LAMA3: variants seen among roughly 807,000 people sequenced by gnomAD.
LAMA3 encodes laminin subunit alpha 3.
In LAMA3, 281 loss-of-function variants were observed where a neutral mutation model predicts 402.0. That is an observed-to-expected ratio of 0.70 (90% confidence interval 0.63 to 0.77). LAMA3 has a LOEUF of 0.77. Among genes scored for constraint, LAMA3 ranks in the 30% least tolerant of loss-of-function variants. The probability of loss-of-function intolerance (pLI) is 0.00; values close to 1 mark genes in which losing one functional copy is unlikely to be tolerated. For missense variants in LAMA3, 3,840 were observed against 4,215.5 expected (o/e 0.91, Z 2.47); for synonymous variants, 1,431 against 1,558.4 (o/e 0.92, Z 1.93).
chr18:23,785,155 G>A (rs145905985), intron 12 of LAMA3, among the ~76,000 whole-genome samples: 271 of 152,334 alleles, frequency 1.8e-3, no homozygotes, highest in African/African-American at 6.0e-3. Flanking sequence ...TAAATGCTCA[G>A]CCAGCTACAG....
chr18:23,743,769 C>T (rs923789680), intron 2 of LAMA3, among the ~76,000 whole-genome samples: 1 of 152,224 alleles, frequency 6.6e-6, no homozygotes, highest in African/African-American at 2.4e-5. Context: ...TAGCTTATTA[C>T]AAAAGCACGT....
At chr18:23,824,156 AT>A (rs1383429701) in intron 20 of LAMA3, among the ~76,000 whole-genome samples, 7 of 152,264 alleles carry the variant, frequency 4.6e-5, no homozygotes, top group African/African-American at 1.7e-4. Flanking sequence ...GTTTACAAGT[AT>A]TAATATACTT....
chr18:23,694,357 C>A (rs558397050), intron 1 of LAMA3, among the ~76,000 whole-genome samples: 2 of 152,222 alleles, frequency 1.3e-5, no homozygotes, highest in East Asian at 1.9e-4. Context: ...ATATAGGGGG[C>A]AGAATGGTGA....
intron 36 of LAMA3, among the ~76,000 whole-genome samples, chr18:23,866,598 GT>G (rs949678395): frequency 3.3e-5 from 5 of 152,128 alleles, no homozygotes; most frequent in Admixed American, 6.5e-5. Context: ...TCAGTTTCAT[GT>G]TTTTGCAGAG....
intron 62 of LAMA3, among the ~76,000 whole-genome samples, chr18:23,923,861 A>G (rs2081923977): frequency 6.6e-6 from 1 of 152,216 alleles, no homozygotes; most frequent in Admixed American, 6.5e-5. Flanking sequence ...CAGGTTTTCT[A>G]GAAAAGAGCA....
In LAMA3 at chr18:23,921,542, A is replaced by C. The variant is rs780744244; in HGVS notation, c.8134A>C (p.Ser2712Arg). Reference sequence around the variant, plus strand: ...AATTGATGGTGAAGTATTTGATTTCAGCACATATTATCTGGGAGGAATTCC... The same window carrying C: ...AATTGATGGTGAAGTATTTGATTTCCGCACATATTATCTGGGAGGAATTCC... ...TIIDGEVFDF[S>R]TYYLGGIPIA... The change falls in exon 62 of 75, where the codon AGC (serine) becomes CGC (arginine). Residue 2712 changes from serine (S) to arginine (R), a missense_variant. Ser to Arg is a moderately radical substitution (Grantham distance 110). Coordinates refer to ENST00000313654, the MANE Select transcript of LAMA3 (RefSeq NM_198129.4). 18 of 1,613,816 alleles carry C rather than the reference A, an allele frequency of 1.1e-5. 1 individual carries two copies. In the South Asian group the frequency reaches 2.0e-4, roughly 18 times the overall value.
intron 18 of LAMA3, 125 bp from the exon 19 acceptor site, chr18:23,819,716 G>C: frequency 3.6e-6 from 3 of 843,034 alleles, no homozygotes; most frequent in Non-Finnish European, 6.0e-6. Flanking sequence ...TTTCTCATTT[G>C]TCCTTTATTT....
intron 2 of LAMA3, among the ~76,000 whole-genome samples, chr18:23,734,533 G>A (rs546304837): frequency 4.6e-5 from 7 of 152,298 alleles, no homozygotes; most frequent in Non-Finnish European, 8.8e-5. Context: ...CCACTCTAAC[G>A]GAGTGTGCCT....
Position 23,776,623 on chromosome 18 carries a change from G to A in LAMA3, c.1405+700G>A, listed in dbSNP as rs191646852. Among the ~76,000 whole-genome samples, 241 of 152,228 alleles carry A rather than the reference G, an allele frequency of 1.6e-3. 1 individual carries two copies. Among genetic ancestry groups the A allele is most frequent in the African/African-American group, 5.6e-3 (232 of 41,530 alleles). ...GCCCCACCCTCCTGACTCCTGCAGAGCCATCATAGGAAAAGCATATTGAGT... is the reference window on the plus strand; with the variant it reads ...GCCCCACCCTCCTGACTCCTGCAGAACCATCATAGGAAAAGCATATTGAGT... On this transcript the variant is annotated intron_variant, in intron 10 of 74. Transcript: ENST00000313654.
At position 23,894,890 on chromosome 18, in the gene LAMA3, G is replaced by A; in HGVS notation, c.5462-17G>A. The A allele has an allele frequency of 5.0e-6, 8 of 1,614,118 alleles. No individual in the cohort carries two copies. Among genetic ancestry groups the A allele is most frequent in the Non-Finnish European group, 5.9e-6 (7 of 1,180,020 alleles). ...CTCCCCCCACAGCACATTTGCCTTT[G>A]ATTGTGGCCCCTACAGATTGCGACA... is the stretch of plus-strand genomic sequence containing the variant. On this transcript the variant is annotated splice_polypyrimidine_tract_variant and intron_variant, in intron 43 of 74. Coordinates refer to ENST00000313654, the MANE Select transcript of LAMA3 (RefSeq NM_198129.4).
chr18:23,832,523 C>T (rs2063507300), intron 23 of LAMA3, among the ~76,000 whole-genome samples: 1 of 152,176 alleles, frequency 6.6e-6, no homozygotes, highest in African/African-American at 2.4e-5. Context: ...TGGGCCTGAG[C>T]TTGCAGGCGG....
chr18:23,822,477 C>A, intron 20 of LAMA3, 102 bp downstream of exon 20: 1 of 1,287,218 alleles, frequency 7.8e-7, no homozygotes, highest in Non-Finnish European at 1.1e-6. Flanking sequence ...TAGAAAATGT[C>A]AAGCCTGGCT....
rs1053480426 is a variant in LAMA3 at position 23,818,748 on chromosome 18, T to C, written c.2148-1093T>C. On this transcript the variant is annotated intron_variant, in intron 18 of 74. Transcript: ENST00000313654. ...TGGTGTATTTTTTCTAGACCTTGTC[T>C]ATGAATTAAAAATTAGCATTCTATT... is the stretch of plus-strand genomic sequence containing the variant. Among the ~76,000 whole-genome samples the C allele has an allele frequency of 5.9e-5, 9 of 152,342 alleles. No individual in the cohort carries two copies. In the South Asian group the frequency reaches 1.7e-3, roughly 28 times the overall value.
chr18:23,848,824 G>A (rs1415415163), intron 32 of LAMA3, among the ~76,000 whole-genome samples: 9 of 152,180 alleles, frequency 5.9e-5, no homozygotes, highest in African/African-American at 1.7e-4. Flanking sequence ...GGTTTCTTCC[G>A]GAGGGTCTGC....
intron 62 of LAMA3, among the ~76,000 whole-genome samples, chr18:23,924,557 T>G (rs1289029393): frequency 1.3e-5 from 2 of 149,414 alleles, no homozygotes; most frequent in Non-Finnish European, 3.0e-5. Context: ...TTTTTTTTTT[T>G]TTTTGAGACG....
At chr18:23,807,254 G>A (rs551691897) in intron 12 of LAMA3, among the ~76,000 whole-genome samples, 3 of 152,194 alleles carry the variant, frequency 2.0e-5, no homozygotes, top group Admixed American at 6.5e-5. Flanking sequence ...ATGTGGGACA[G>A]TCACTTGAGG....
intron 12 of LAMA3, among the ~76,000 whole-genome samples, chr18:23,800,444 G>A (rs887500399): frequency 6.6e-6 from 1 of 152,170 alleles, no homozygotes; most frequent in African/African-American, 2.4e-5. Flanking sequence ...ATGGGGTACA[G>A]AGTGATATTG....
At chr18:23,877,660 C>G (rs559392032) in intron 39 of LAMA3, among the ~76,000 whole-genome samples, 2 of 152,246 alleles carry the variant, frequency 1.3e-5, no homozygotes, top group South Asian at 4.1e-4. Context: ...TTGTGAAGAG[C>G]CAACTGATAG....
Position 23,816,489 on chromosome 18 carries a change from T to C in LAMA3, c.2147+2T>C. ...TGTCGTGGGAAAGGTGTGCCAGCGG[T>C]GAGTCTTCGGGAGGCTTCTTCCCAT... is the stretch of plus-strand genomic sequence containing the variant. On this transcript the variant is annotated splice_donor_variant, in intron 18 of 74. Coordinates refer to ENST00000313654, the MANE Select transcript of LAMA3 (RefSeq NM_198129.4). LOFTEE classifies it high-confidence loss of function. 6.2e-7 allele frequency: 1 copy of C among 1,612,774 alleles called. No individual in the cohort carries two copies. The highest frequency in any genetic ancestry group is 1.7e-5 in the Admixed American group (1 of 60,010).
Sources: allele counts gnomAD v4.1 joint callset (sites outside exome capture counted in the v4.1 genomes callset), GRCh38; gene constraint gnomAD v4.1.1; transcripts MANE v1.5; gene names NCBI Gene and HGNC (gene_info 2026-07-23, HGNC 2026-07-21).